The following ADAMTS6 variants were observed in gnomAD, a reference collection of about 807,000 sequenced individuals.
ADAMTS6 encodes the protein A disintegrin and metalloproteinase with thrombospondin motifs 6.
Under a neutral mutation model 144.3 loss-of-function variants are expected in ADAMTS6, and 23 were observed. That is an observed-to-expected ratio of 0.16 (90% CI 0.11 to 0.23). The LOEUF (loss-of-function observed/expected upper bound fraction) is 0.23. Among genes scored for constraint, ADAMTS6 ranks in the 10% least tolerant of loss-of-function variants. ADAMTS6 has a pLI of 1.00. For synonymous variants in ADAMTS6, 444 were observed against 457.5 expected (o/e 0.97, Z 0.38); for missense variants, 999 against 1,379.6 (o/e 0.72, Z 4.37).
At chr5:65,277,225 C>A (rs897177967) in intron 11 of ADAMTS6, among the ~76,000 whole-genome samples, 3 of 152,142 alleles carry the variant, frequency 2.0e-5, no homozygotes, top group African/African-American at 7.2e-5. Flanking sequence ...TTTCCCAACT[C>A]ATTCTAGAAT....
chr5:65,286,652 T>C (rs1047060780), intron 11 of ADAMTS6, among the ~76,000 whole-genome samples: 8 of 152,232 alleles, frequency 5.3e-5, no homozygotes, highest in Non-Finnish European at 1.0e-4. Flanking sequence ...GTACTGGATA[T>C]TGTTAACCTA....
At chr5:65,352,076 T>C (rs1748903262) in intron 7 of ADAMTS6, among the ~76,000 whole-genome samples, 1 of 152,208 alleles carries the variant, frequency 6.6e-6, no homozygotes, top group African/African-American at 2.4e-5. Context: ...CGATGTTCTA[T>C]GCTCCATCTG....
chr5:65,389,453 A>G (rs988839431), intron 7 of ADAMTS6, among the ~76,000 whole-genome samples: 4 of 152,168 alleles, frequency 2.6e-5, no homozygotes, highest in African/African-American at 9.7e-5. Flanking sequence ...ATAATTTATT[A>G]TGACTTTATA....
intron 8 of ADAMTS6, among the ~76,000 whole-genome samples, chr5:65,332,306 T>TAGAG (rs1465957918): frequency 4.1e-4 from 50 of 120,654 alleles, no homozygotes; most frequent in Admixed American, 9.7e-4. Context: ...TATATATATA[T>TAGAG]ATATATAGAG....
chr5:65,307,699 A>T (rs1361357895), intron 9 of ADAMTS6, among the ~76,000 whole-genome samples: 5 of 152,240 alleles, frequency 3.3e-5, no homozygotes, highest in African/African-American at 7.2e-5. Context: ...TTTGTAGAGC[A>T]GCATTAAAAT....
chr5:65,473,501 A>G, intron 2 of ADAMTS6, 76 bp downstream of exon 2: 8 of 1,331,280 alleles, frequency 6.0e-6, no homozygotes, highest in Non-Finnish European at 8.5e-6. Context: ...CTATCCACCC[A>G]AACTAAATAT....
chr5:65,437,115 G>T (rs1468736617), intron 7 of ADAMTS6, among the ~76,000 whole-genome samples: 2 of 142,370 alleles, frequency 1.4e-5, no homozygotes, highest in Non-Finnish European at 3.1e-5. Context: ...TTTTTTTTGA[G>T]ACAGAGTCTC....
chr5:65,406,702 A>T (rs1754536674), intron 7 of ADAMTS6, among the ~76,000 whole-genome samples: 1 of 152,022 alleles, frequency 6.6e-6, no homozygotes, highest in African/African-American at 2.4e-5. Context: ...TGTTGATTGG[A>T]ATAGTGTCAG....
rs552157388 is a variant in ADAMTS6 at position 65,465,448 on chromosome 5, C to G, written c.463-5110G>C. Among the ~76,000 whole-genome samples, 96 of 73,520 alleles carry G rather than the reference C, an allele frequency of 1.3e-3. 1 individual carries two copies. The South Asian group carries it at 0.053, about 41-fold the overall frequency. 48.2% of individuals were successfully genotyped at this position (73,520 alleles called of 152,430 possible). A position where few individuals can be genotyped will look rare whatever the true frequency, so the allele number is the denominator to read the frequency against. ...GAACTTCATTCCAGCACCCCTCACT[C>G]TACCTAATCATTCCCACTTCAAACA... On this transcript the variant is annotated intron_variant, in intron 3 of 24. Transcript: ENST00000381055.
intron 22 of ADAMTS6, among the ~76,000 whole-genome samples, chr5:65,177,212 A>G (rs1466762012): frequency 6.6e-6 from 1 of 152,178 alleles, no homozygotes; most frequent in East Asian, 1.9e-4. Context: ...CCCCACCTCC[A>G]GAGTCGTGGG....
intron 20 of ADAMTS6, 62 bp from the exon 21 acceptor site, chr5:65,197,213 C>T (rs924104481): frequency 6.4e-7 from 1 of 1,569,316 alleles, no homozygotes; most frequent in Non-Finnish European, 8.7e-7. Flanking sequence ...GTTAGGTATG[C>T]ATAGCTTTCC....
chr5:65,280,345 C>T (rs1762892275), intron 11 of ADAMTS6, among the ~76,000 whole-genome samples: 1 of 152,266 alleles, frequency 6.6e-6, no homozygotes, highest in Admixed American at 6.5e-5. Context: ...AACTTTTAAA[C>T]TATAACACAA....
rs935834077 is a variant in ADAMTS6 at position 65,453,771 on chromosome 5, A to G, written c.632-853T>C. On this transcript the variant is annotated intron_variant, in intron 4 of 24. Transcript: ENST00000381055. ...TCACTTCCACATCCTTATATTGAAC[A>G]GGAAATCTTTCTCACCCCCACTTAT... 2.0e-5 allele frequency among the ~76,000 whole-genome samples: 3 copies of G among 152,324 alleles called. No individual in the cohort carries two copies. In the East Asian group the frequency reaches 5.8e-4, roughly 29 times the overall value.
chr5:65,420,933 C>T (rs1755980976), intron 7 of ADAMTS6, among the ~76,000 whole-genome samples: 1 of 152,100 alleles, frequency 6.6e-6, no homozygotes, highest in Admixed American at 6.5e-5. Context: ...TGTTCTACTC[C>T]TTTACCTCGA....
chr5:65,372,686 T>C (rs892456577), intron 7 of ADAMTS6, among the ~76,000 whole-genome samples: 242 of 152,192 alleles, frequency 1.6e-3, no homozygotes, highest in African/African-American at 5.5e-3. Context: ...CTGTCAACAT[T>C]AGACAGATCA....
At chr5:65,376,779 C>T (rs776981656) in intron 7 of ADAMTS6, among the ~76,000 whole-genome samples, 1 of 151,752 alleles carries the variant, frequency 6.6e-6, no homozygotes, top group Non-Finnish European at 1.5e-5. Context: ...TGCAGTGAGC[C>T]ATAACCACCA....
intron 18 of ADAMTS6, among the ~76,000 whole-genome samples, chr5:65,222,110 T>C (rs1474650597): frequency 6.6e-6 from 1 of 152,188 alleles, no homozygotes; most frequent in African/African-American, 2.4e-5. Flanking sequence ...TTGTCTCAAT[T>C]GACAAGTTCA....
intron 7 of ADAMTS6, among the ~76,000 whole-genome samples, chr5:65,371,435 T>C (rs191702786): frequency 0.12 from 17,890 of 151,154 alleles, 1,202 homozygotes; most frequent in African/African-American, 0.18. Flanking sequence ...AAGGAGCTGA[T>C]GGAGCTGAAA....
intron 22 of ADAMTS6, among the ~76,000 whole-genome samples, chr5:65,184,441 T>C (rs1218845492): frequency 6.6e-6 from 1 of 152,212 alleles, no homozygotes; most frequent in Non-Finnish European, 1.5e-5. Flanking sequence ...ATTTTCCCCA[T>C]CTTCCGTAAG....
Sources: allele counts gnomAD v4.1 joint callset (sites outside exome capture counted in the v4.1 genomes callset), GRCh38; gene constraint gnomAD v4.1.1; transcripts MANE v1.5; gene names NCBI Gene and HGNC (gene_info 2026-07-23, HGNC 2026-07-21).